Variants in SPATA16 observed in about 807,000 individuals in gnomAD.
SPATA16 encodes spermatogenesis-associated protein 16.
SPATA16 carries 36 observed loss-of-function variants against 63.3 expected under a neutral mutation model. The ratio of observed to expected loss-of-function variants is 0.57; its 90% confidence interval spans 0.44 to 0.75. The LOEUF is 0.75. SPATA16 is among the 30% of genes least tolerant of loss of function. SPATA16 has a pLI of 0.00. For synonymous variants in SPATA16, 203 were observed against 216.7 expected, an observed-to-expected ratio of 0.94 and a Z score of 0.56; for missense variants, 646 against 679.3, an observed-to-expected ratio of 0.95 and a Z score of 0.54.
chr3:173,089,651 G>A (rs996132467), intron 2 of SPATA16, among the ~76,000 whole-genome samples: 2 of 152,174 alleles, frequency 1.3e-5, no homozygotes, highest in African/African-American at 2.4e-5. Context: ...TGTGAACGAC[G>A]AGGACAAGGA....
At chr3:173,035,266 G>A (rs907819633) in intron 3 of SPATA16, among the ~76,000 whole-genome samples, 1 of 152,026 alleles carries the variant, frequency 6.6e-6, no homozygotes, top group African/African-American at 2.4e-5. Flanking sequence ...AAGGGAGATG[G>A]AAAAATAAAA....
intron 6 of SPATA16, among the ~76,000 whole-genome samples, chr3:172,952,558 G>A (rs866303348): frequency 4.6e-5 from 7 of 152,076 alleles, no homozygotes; most frequent in South Asian, 4.1e-4. Flanking sequence ...ACATCTGTCC[G>A]TTTTTCCTTG....
chr3:173,137,992 T>C (rs941217603), intron 1 of SPATA16, among the ~76,000 whole-genome samples: 2 of 152,164 alleles, frequency 1.3e-5, no homozygotes, highest in African/African-American at 4.8e-5. Flanking sequence ...CAAATGTCTG[T>C]TCAACAGGAA....
At chr3:172,923,767 A>G (rs1732666455) in intron 8 of SPATA16, among the ~76,000 whole-genome samples, 1 of 152,236 alleles carries the variant, frequency 6.6e-6, no homozygotes, top group Non-Finnish European at 1.5e-5. Context: ...TGTTTAGAGA[A>G]GCATCCAATT....
At chr3:173,035,628 T>C (rs936295096) in intron 3 of SPATA16, among the ~76,000 whole-genome samples, 6 of 152,066 alleles carry the variant, frequency 3.9e-5, no homozygotes, top group Admixed American at 2.6e-4. Flanking sequence ...ATGGAAACAC[T>C]TTTAAAGAAG....
intron 1 of SPATA16, among the ~76,000 whole-genome samples, chr3:173,125,574 T>C (rs941676259): frequency 4.6e-5 from 7 of 152,248 alleles, no homozygotes; most frequent in African/African-American, 1.7e-4. Context: ...CTCAGAACCT[T>C]TGCACTGGTT....
intron 10 of SPATA16, among the ~76,000 whole-genome samples, chr3:172,903,067 A>C (rs140981536): frequency 1.2e-3 from 177 of 152,362 alleles, no homozygotes; most frequent in African/African-American, 4.0e-3. Context: ...CCTATGGTTC[A>C]TTTAGCTACC....
chr3:172,997,519 G>A (rs990931063), intron 4 of SPATA16, among the ~76,000 whole-genome samples: 18 of 151,756 alleles, frequency 1.2e-4, no homozygotes, highest in African/African-American at 4.1e-4. Flanking sequence ...GTTCTTTATC[G>A]TATGTGCCTT....
chr3:172,924,136 G>C, intron 8 of SPATA16, 72 bp downstream of exon 8: 1 of 1,258,328 alleles, frequency 7.9e-7, no homozygotes, highest in Non-Finnish European at 1.2e-6. Context: ...TATTTGCCAT[G>C]TAAGCCTTAT....
chr3:172,933,524 T>C (rs1178879118), intron 6 of SPATA16, among the ~76,000 whole-genome samples: 7 of 152,202 alleles, frequency 4.6e-5, no homozygotes, highest in African/African-American at 1.7e-4. Context: ...CATTTGAGAA[T>C]GTTGCTATTA....
At chr3:173,076,946 T>C (rs1039353150) in intron 2 of SPATA16, among the ~76,000 whole-genome samples, 1 of 152,150 alleles carries the variant, frequency 6.6e-6, no homozygotes, top group African/African-American at 2.4e-5. Context: ...CTGAAGAGCA[T>C]GTGAATTGTT....
At chr3:172,984,545 T>C (rs1475550824) in intron 4 of SPATA16, among the ~76,000 whole-genome samples, 1 of 152,200 alleles carries the variant, frequency 6.6e-6, no homozygotes, top group African/African-American at 2.4e-5. Context: ...TTTCGGTCTC[T>C]GGACTTTTGT....
At chr3:173,095,857 TTATC>T (rs939036709) in intron 2 of SPATA16, among the ~76,000 whole-genome samples, 2 of 152,186 alleles carry the variant, frequency 1.3e-5, no homozygotes, top group African/African-American at 4.8e-5. Context: ...GAAACCTACA[TTATC>T]TAGCTATTAA....
chr3:173,000,783 A>T (rs1025752007), intron 4 of SPATA16, among the ~76,000 whole-genome samples: 2 of 151,270 alleles, frequency 1.3e-5, no homozygotes, highest in African/African-American at 4.9e-5. Flanking sequence ...CCTCAAGCTC[A>T]GAGATTCTTT....
chr3:173,052,758 G>A (rs898145885), intron 2 of SPATA16, among the ~76,000 whole-genome samples: 5 of 152,170 alleles, frequency 3.3e-5, no homozygotes, highest in African/African-American at 4.8e-5. Context: ...TTAAATCTAG[G>A]AAGGGTGATT....
At chr3:172,971,418 T>G (rs1172618477) in intron 5 of SPATA16, among the ~76,000 whole-genome samples, 2 of 152,240 alleles carry the variant, frequency 1.3e-5, no homozygotes, top group Non-Finnish European at 2.9e-5. Context: ...TTGATTGATT[T>G]AACAAATCTG....
At chr3:173,116,304 G>C (rs1737897511) in intron 2 of SPATA16, among the ~76,000 whole-genome samples, 1 of 152,154 alleles carries the variant, frequency 6.6e-6, no homozygotes, top group African/African-American at 2.4e-5. Context: ...TGCCCAGCAG[G>C]CATATATAGT....
rs535729746 is a variant in SPATA16 at position 172,984,215 on chromosome 3, A to G, written c.849-7163T>C. On this transcript the variant is annotated intron_variant, in intron 4 of 10. Transcript: ENST00000351008. ...ATGTGGCTAGTGGATACCATCCTCAATGGCACAGGATATCTTCATCATCTC... is the reference window on the plus strand; with the variant it reads ...ATGTGGCTAGTGGATACCATCCTCAGTGGCACAGGATATCTTCATCATCTC... 2.4e-3 allele frequency among the ~76,000 whole-genome samples: 362 copies of G among 152,230 alleles called. 4 individuals carry two copies. Among genetic ancestry groups the G allele is most frequent in the African/African-American group, 8.4e-3 (348 of 41,562 alleles).
rs1047597800 is a variant in SPATA16, at chr3:173,078,459, A to G, written c.613-29365T>C. On this transcript the variant is annotated intron_variant, in intron 2 of 10. Transcript: ENST00000351008. ...TTAGAATGGGGAATTTCTTGGCTAA[A>G]AACGTATCTGTTGGTTAAATATAGT... Among the ~76,000 whole-genome samples the G allele has an allele frequency of 4.7e-4, 72 of 152,340 alleles. 1 individual carries two copies. The highest frequency in any genetic ancestry group is 1.2e-3 in the African/African-American group (49 of 41,582).
Sources: gnomAD v4.1 joint callset for allele counts (sites outside exome capture counted in the v4.1 genomes callset) on GRCh38, gnomAD v4.1.1 for gene constraint, MANE v1.5 for transcripts, NCBI Gene and HGNC (gene_info 2026-07-23, HGNC 2026-07-21) for gene names.